Variants in MYO1F observed in about 807,000 individuals in gnomAD.
The protein encoded by MYO1F is unconventional myosin-If.
In MYO1F, 60 loss-of-function variants were observed where a neutral mutation model predicts 146.6. That is an observed-to-expected ratio of 0.41 (90% CI 0.33 to 0.51). MYO1F has a LOEUF of 0.51. MYO1F is among the 20% of genes least tolerant of loss of function. The pLI is 0.25. For missense variants in MYO1F, 1,274 were observed against 1,534.3 expected (o/e 0.83, Z 2.83); for synonymous variants, 602 against 602.1 (o/e 1.00, Z 0.00).
At position 8,526,349 on chromosome 19, in the gene MYO1F, G is replaced by GTCTC. The variant is rs35536931; in HGVS notation, c.2770+100_2770+103dup. The stretch of plus-strand genomic sequence containing the variant: ...CTTAAAAAAACCACAAAACTCAAAA[G>GTCTC]TCTCTCTCTCTCTCTCTGTAGACAC... On this transcript the variant is annotated intron_variant, in intron 24 of 27. Transcript: ENST00000644032. The GTCTC allele has an allele frequency of 4.7e-3, 6,438 of 1,382,750 alleles. 140 individuals carry two copies. In the African/African-American group the frequency reaches 0.074, roughly 16 times the overall value. 85.7% of individuals were successfully genotyped at this position (1,382,750 alleles called of 1,614,324 possible). A position where few individuals can be genotyped will look rare whatever the true frequency, so the allele number is the denominator to read the frequency against.
chr19:8,575,078 CTTTTT>C (rs576218913), intron 1 of MYO1F, among the ~76,000 whole-genome samples: 1 of 135,568 alleles, frequency 7.4e-6, no homozygotes, highest in Non-Finnish European at 1.6e-5. Context: ...TTTTCTTTTT[CTTTTT>C]TTTTTTTTTT....
chr19:8,558,496 G>T (rs1973948370), intron 1 of MYO1F, among the ~76,000 whole-genome samples: 1 of 152,082 alleles, frequency 6.6e-6, no homozygotes, highest in African/African-American at 2.4e-5. Context: ...CCCCATGGAG[G>T]AGACTGAGGC....
intron 1 of MYO1F, among the ~76,000 whole-genome samples, chr19:8,574,617 CT>C (rs781945460): frequency 3.1e-5 from 2 of 63,596 alleles, no homozygotes; most frequent in African/African-American, 1.4e-4. Context: ...TTCTTTCTTT[CT>C]TTCTTTCTTT....
intron 8 of MYO1F, 50 bp from the exon 9 acceptor site, chr19:8,550,744 C>A: frequency 6.2e-7 from 1 of 1,612,144 alleles, no homozygotes; most frequent in Non-Finnish European, 8.5e-7. Context: ...GGCCTCCAAC[C>A]TGCCTCCAGG....
At chr19:8,561,513 C>G (rs1345448644) in intron 1 of MYO1F, among the ~76,000 whole-genome samples, 1 of 136,244 alleles carries the variant, frequency 7.3e-6, no homozygotes, top group Non-Finnish European at 1.6e-5. Context: ...CTCTCTCATT[C>G]TTCTCTCTTT....
chr19:8,539,680 C>T (rs1568344382), intron 16 of MYO1F, among the ~76,000 whole-genome samples: 1 of 151,976 alleles, frequency 6.6e-6, no homozygotes, highest in Non-Finnish European at 1.5e-5. Flanking sequence ...TGGTAAATGA[C>T]TAAAGACCAA....
At position 8,526,475 on chromosome 19, in the gene MYO1F, G is replaced by A. The variant is rs1972271226; in HGVS notation, c.2748C>T (p.Gly916=). 1.3e-6 allele frequency: 2 copies of A among 1,562,310 alleles called. No homozygotes were observed. Among genetic ancestry groups the A allele is most frequent in the Non-Finnish European group, 1.7e-6 (2 of 1,153,284 alleles). ...CACTGGAGCTCTTGGGCAGCCCATC[G>A]CCCACGCTGACCGTGAGGGTCCGAC... is the stretch of plus-strand genomic sequence containing the variant. ...VGGRTLTVSV[G]DGLPKSSKPT... is the part of the protein sequence containing the mutation. The change falls in exon 24 of 28, where the codon GGC becomes GGT. Residue 916 remains glycine, a synonymous_variant. Transcript: ENST00000644032.
rs13346588 is a variant in MYO1F at position 8,521,342 on chromosome 19, C to T, written c.*186G>A. 3.0e-6 allele frequency: 2 copies of T among 657,822 alleles called. No homozygotes were observed. The highest frequency in any genetic ancestry group is 5.5e-6 in the Non-Finnish European group (2 of 362,364). The allele number at this position is 657,822 out of a possible 1,614,324, so 40.7% of individuals were successfully genotyped here. ...TGTGATGTTGGAGGAAGACCAGGGC[C>T]CAGGGGCGGGGGCTGCAGCAGTGAC... On this transcript the variant is annotated 3_prime_UTR_variant, in exon 28 of 28. Transcript: ENST00000644032.
Position 8,521,531 on chromosome 19 carries a change from G to C in MYO1F, c.3294C>G (p.Ile1098Met). Residue 1098 changes from isoleucine (I) to methionine (M), a missense_variant, in exon 28 of 28, where the codon ATC becomes ATG. By Grantham distance (10) the Ile-to-Met change is conservative. This residue lies in a region of MYO1F where 374 missense variants were observed against 379.2 expected (regional missense o/e 0.99). Transcript: ENST00000644032. The stretch of plus-strand genomic sequence containing the variant: ...AGGCAGTATCCCAGGGCCCAGCTCA[G>C]ATCTTCTCCACGTAGTTTCCTGGGA... ...GLFPGNYVEKI is the reference protein window; with the variant it reads ...GLFPGNYVEKM The C allele has an allele frequency of 1.2e-6, 2 of 1,614,110 alleles. No individual in the cohort carries two copies. Among genetic ancestry groups the C allele is most frequent in the Non-Finnish European group, 1.7e-6 (2 of 1,179,998 alleles).
At chr19:8,527,863 T>A (rs962075925) in intron 21 of MYO1F, among the ~76,000 whole-genome samples, 5 of 152,178 alleles carry the variant, frequency 3.3e-5, no homozygotes, top group African/African-American at 1.2e-4. Flanking sequence ...ACTGTCCTCC[T>A]TGGCCTCCCA....
chr19:8,568,168 G>C (rs917266914), intron 1 of MYO1F, among the ~76,000 whole-genome samples: 1 of 152,008 alleles, frequency 6.6e-6, no homozygotes, highest in South Asian at 2.1e-4. Context: ...TCACACCTGT[G>C]ATCCCAGCAC....
intron 25 of MYO1F, among the ~76,000 whole-genome samples, chr19:8,523,088 G>T (rs1972126779): frequency 1.3e-5 from 2 of 150,784 alleles, no homozygotes; most frequent in South Asian, 4.2e-4. Flanking sequence ...CTGGAGTGCA[G>T]TGGCGCGATC....
At position 8,568,422 on chromosome 19, in the gene MYO1F, CAAA is replaced by C. The variant is rs55833513; in HGVS notation, c.3+8882_3+8884del. On this transcript the variant is annotated intron_variant, in intron 1 of 27. Coordinates refer to ENST00000644032, the MANE Select transcript of MYO1F (RefSeq NM_012335.4). ...TGGGTGAAAGAGTGAGACTCCGTCT[CAAA>C]AAAAAAAAAAAAAAAAAAAATTAAT... Among the ~76,000 whole-genome samples the C allele has an allele frequency of 2.0e-4, 13 of 66,436 alleles. No individual in the cohort carries two copies. In the South Asian group the frequency reaches 7.1e-3, roughly 37 times the overall value. The allele number at this position is 66,436 out of a possible 152,430, so 43.6% of individuals were successfully genotyped here.
intron 1 of MYO1F, among the ~76,000 whole-genome samples, chr19:8,569,551 G>A (rs1171043876): frequency 6.6e-6 from 1 of 152,056 alleles, no homozygotes; most frequent in East Asian, 1.9e-4. Flanking sequence ...ACTGTGCATG[G>A]AGGTAGGTGG....
intron 1 of MYO1F, among the ~76,000 whole-genome samples, chr19:8,566,024 A>C (rs955044029): frequency 1.3e-5 from 2 of 152,074 alleles, no homozygotes. Context: ...CAAGAGGATC[A>C]CTTGAGCCCA....
At chr19:8,527,213 G>T in intron 22 of MYO1F, 125 bp downstream of exon 22, 1 of 1,342,518 alleles carries the variant, frequency 7.4e-7, no homozygotes, top group Non-Finnish European at 1.0e-6. Flanking sequence ...GACAGGTGGG[G>T]CCAACAGAGG....
intron 1 of MYO1F, among the ~76,000 whole-genome samples, chr19:8,566,233 T>C (rs1302794783): frequency 3.4e-5 from 5 of 147,576 alleles, no homozygotes; most frequent in Admixed American, 6.9e-5. Flanking sequence ...AGTGGCATGA[T>C]CTCGGCTCAC....
chr19:8,525,284 G>T, intron 25 of MYO1F, 195 bp downstream of exon 25: 1 of 580,146 alleles, frequency 1.7e-6, no homozygotes, highest in Non-Finnish European at 3.1e-6. Context: ...GGTTAGCTGG[G>T]TTTGGGTTTT....
intron 1 of MYO1F, among the ~76,000 whole-genome samples, chr19:8,562,023 CTTTTTCTTTT>C (rs930761480): frequency 4.0e-5 from 6 of 151,104 alleles, no homozygotes; most frequent in African/African-American, 7.3e-5. Context: ...CCCTTCCTTC[CTTTTTCTTTT>C]TTTTTCTTTT....
Sources: allele counts gnomAD v4.1 joint callset (sites outside exome capture counted in the v4.1 genomes callset), GRCh38; gene constraint gnomAD v4.1.1; regional missense constraint gnomAD v4.1.1; transcripts MANE v1.5; gene names NCBI Gene and HGNC (gene_info 2026-07-23, HGNC 2026-07-21).